Variants in NRG1 observed in about 807,000 individuals in gnomAD.
NRG1 encodes pro-neuregulin-1, membrane-bound isoform.
NRG1 carries 18 observed loss-of-function variants against 63.8 expected under a neutral mutation model. That is an observed-to-expected ratio of 0.28 (90% CI 0.19 to 0.42). NRG1 has a LOEUF of 0.42. Among genes scored for constraint, NRG1 ranks in the 10% least tolerant of loss-of-function variants. The pLI, the probability that NRG1 is intolerant of heterozygous loss-of-function variation, is 1.00. For missense variants in NRG1, 762 were observed against 814.7 expected, an observed-to-expected ratio of 0.94 and a Z score of 0.79; for synonymous variants, 302 against 301.3, an observed-to-expected ratio of 1.00 and a Z score of -0.02.
chr8:32,357,851 A>G (rs1260678604), intron 1 of NRG1, among the ~76,000 whole-genome samples: 2 of 152,212 alleles, frequency 1.3e-5, no homozygotes, highest in Non-Finnish European at 2.9e-5. Context: ...TTAAAGAGAT[A>G]CTTTTAAAAG....
intron 9 of NRG1, 117 bp downstream of exon 9, chr8:32,756,646 C>G (rs1348824766): frequency 2.9e-6 from 4 of 1,366,282 alleles, no homozygotes; most frequent in Non-Finnish European, 3.9e-6. Context: ...ACCATGGCTT[C>G]CAGGAATCCA....
At chr8:32,647,232 C>T in intron 5 of NRG1, 1 of 985,358 alleles carries the variant, frequency 1.0e-6, no homozygotes, top group Non-Finnish European at 1.2e-6. Context: ...ACTGCCTCTC[C>T]TGCCGCCGCT....
intron 1 of NRG1, among the ~76,000 whole-genome samples, chr8:31,832,180 T>A (rs554520960): frequency 1.3e-5 from 2 of 152,206 alleles, no homozygotes; most frequent in African/African-American, 2.4e-5. Context: ...AGAGCATTTT[T>A]AAATGAGATT....
At chr8:32,520,257 G>T (rs1830209246) in intron 1 of NRG1, among the ~76,000 whole-genome samples, 1 of 151,804 alleles carries the variant, frequency 6.6e-6, no homozygotes, top group South Asian at 2.1e-4. Context: ...CAAATTCCGG[G>T]CTTAAGTAAT....
intron 1 of NRG1, among the ~76,000 whole-genome samples, chr8:32,043,365 AAAAT>A (rs1820402768): frequency 6.6e-6 from 1 of 152,064 alleles, no homozygotes; most frequent in Non-Finnish European, 1.5e-5. Flanking sequence ...GAATTAAGGC[AAAAT>A]AAAGACATTC....
At chr8:32,545,674 A>G (rs1394385047), upstream of NRG1, among the ~76,000 whole-genome samples, 5 of 152,152 alleles carry the variant, frequency 3.3e-5, no homozygotes, top group Non-Finnish European at 7.4e-5. Context: ...TATTTGGTTA[A>G]TCTTTTAGCT....
intron 1 of NRG1, among the ~76,000 whole-genome samples, chr8:32,103,748 A>G (rs1158932155): frequency 6.6e-6 from 1 of 151,968 alleles, no homozygotes; most frequent in Non-Finnish European, 1.5e-5. Context: ...AAGCTTCTTA[A>G]TTTGTTGTTG....
intron 1 of NRG1, among the ~76,000 whole-genome samples, chr8:32,462,655 G>A (rs1398993262): frequency 8.0e-6 from 1 of 124,598 alleles, no homozygotes; most frequent in Non-Finnish European, 1.6e-5. Flanking sequence ...TCAGGCTGGA[G>A]TTCAGTGGCG....
chr8:31,783,477 G>A (rs911126723), intron 1 of NRG1, among the ~76,000 whole-genome samples: 14 of 151,920 alleles, frequency 9.2e-5, no homozygotes, highest in Admixed American at 2.6e-4. Context: ...TGGAAACATT[G>A]TCTAGAAATG....
At chr8:32,648,369 A>G in intron 5 of NRG1, 1 of 1,613,996 alleles carries the variant, frequency 6.2e-7, no homozygotes, top group South Asian at 1.1e-5. Flanking sequence ...TAATCTCCAA[A>G]CTGCTCCTAA....
intron 1 of NRG1, among the ~76,000 whole-genome samples, chr8:31,942,614 G>T (rs1363494595): frequency 6.6e-6 from 1 of 152,082 alleles, no homozygotes; most frequent in African/African-American, 2.4e-5. Context: ...CCACAGAGTA[G>T]GAGAAAATCT....
At chr8:31,845,575 TG>T (rs1826611334) in intron 1 of NRG1, among the ~76,000 whole-genome samples, 2 of 152,120 alleles carry the variant, frequency 1.3e-5, no homozygotes, top group African/African-American at 4.8e-5. Context: ...TCAGCAGAGG[TG>T]AATAAGCATC....
chr8:32,761,491 T>C (rs1830661040), intron 11 of NRG1, among the ~76,000 whole-genome samples: 2 of 152,338 alleles, frequency 1.3e-5, no homozygotes, highest in Admixed American at 1.3e-4. Context: ...TTCAAAATGA[T>C]ATTTTAGAAC....
chr8:32,713,567 A>AT (rs1040313359), intron 5 of NRG1, among the ~76,000 whole-genome samples: 18 of 149,354 alleles, frequency 1.2e-4, no homozygotes, highest in African/African-American at 3.4e-4. Context: ...CCACCATCAG[A>AT]TTTTTTTTTG....
At position 32,562,940 on chromosome 8, in the gene NRG1, A is replaced by G. The variant is rs540489041; in HGVS notation, c.100+14114A>G. Among the ~76,000 whole-genome samples, 3 of 152,322 alleles carry G rather than the reference A, an allele frequency of 2.0e-5. No individual in the cohort carries two copies. In the East Asian group the frequency reaches 5.8e-4, roughly 29 times the overall value. Reference sequence around the variant, plus strand: ...ACAACTTTAGGGGTAGAAGAAAGCTATGATTCAAAGTCGGCATTTTATTAG... The same window carrying G: ...ACAACTTTAGGGGTAGAAGAAAGCTGTGATTCAAAGTCGGCATTTTATTAG... On this transcript the variant is annotated intron_variant, in intron 1 of 11. Transcript: ENST00000356819.
chr8:31,794,662 T>A (rs1821026663), intron 1 of NRG1, among the ~76,000 whole-genome samples: 1 of 151,824 alleles, frequency 6.6e-6, no homozygotes, highest in Non-Finnish European at 1.5e-5. Context: ...TTATTGTTAC[T>A]TTATAATAAT....
chr8:31,845,443 A>G (rs553757491), intron 1 of NRG1, among the ~76,000 whole-genome samples: 297 of 151,992 alleles, frequency 2.0e-3, no homozygotes, highest in Non-Finnish European at 3.8e-3. Context: ...TCTTTTTTTC[A>G]TGTTTGGTAC....
intron 1 of NRG1, among the ~76,000 whole-genome samples, chr8:31,677,121 T>G (rs940538081): frequency 2.6e-5 from 4 of 152,306 alleles, no homozygotes; most frequent in African/African-American, 7.2e-5. Context: ...CTAAAATCCC[T>G]GTATGAAATA....
chr8:32,647,265 C>A (rs867628191), intron 5 of NRG1: 2 of 985,316 alleles, frequency 2.0e-6, no homozygotes, highest in African/African-American at 3.5e-5. Flanking sequence ...GCCGCCACCG[C>A]CGCTGGTCCT....
Sources: gnomAD v4.1 joint callset for allele counts (sites outside exome capture counted in the v4.1 genomes callset) on GRCh38, gnomAD v4.1.1 for gene constraint, MANE v1.5 for transcripts, NCBI Gene and HGNC (gene_info 2026-07-23, HGNC 2026-07-21) for gene names.